Variants in SLC19A1 observed in about 807,000 individuals in gnomAD.
SLC19A1 encodes the protein solute carrier family 19 member 1.
In SLC19A1, 37 loss-of-function variants were observed where a neutral mutation model predicts 35.3. The ratio of observed to expected loss-of-function variants is 1.05; its 90% confidence interval spans 0.81 to 1.38. SLC19A1 has a LOEUF of 1.38. SLC19A1 is among the 40% of genes most tolerant of loss of function. SLC19A1 has a pLI of 0.00. For synonymous variants in SLC19A1, 460 were observed against 398.5 expected (o/e 1.15, Z -1.84); for missense variants, 831 against 826.9 (o/e 1.00, Z -0.06).
chr21:45,509,940 C>G, downstream of SLC19A1: 1 of 1,142,028 alleles, frequency 8.8e-7, no homozygotes, highest in Non-Finnish European at 1.2e-6. Flanking sequence ...CACTTGCGCG[C>G]CTCCCGCTCA....
Position 45,505,402 on chromosome 21 carries a change from C to G in SLC19A1, c.498-6790G>C, listed in dbSNP as rs1370299892. On this transcript the variant is annotated intron_variant, in intron 3 of 4. Transcript: ENST00000417954. ...TCCGGGCCCCCCTGGGCCCCCTGGG[C>G]CCCCTGGAACCATGGGCGCCTCCTC... 8 of 1,577,982 alleles carry G rather than the reference C, an allele frequency of 5.1e-6. No individual in the cohort carries two copies. Among genetic ancestry groups the G allele is most frequent in the Non-Finnish European group, 6.9e-6 (8 of 1,153,722 alleles).
At chr21:45,509,027 G>A (rs987499937), downstream of SLC19A1, among the ~76,000 whole-genome samples, 10 of 152,152 alleles carry the variant, frequency 6.6e-5, no homozygotes, top group African/African-American at 1.4e-4. Flanking sequence ...GTCGAAGGTC[G>A]CCGTGTTGAG....
At position 45,523,218 on chromosome 21, in the gene SLC19A1, A is replaced by G. The variant is rs541751153; in HGVS notation, c.1293+2599T>C. ...AGAGAGTGGACACTCGGCACCCAGTAACAGGCACGGGGGCAAGATGAGCCC... is the reference window on the plus strand; with the variant it reads ...AGAGAGTGGACACTCGGCACCCAGTGACAGGCACGGGGGCAAGATGAGCCC... On this transcript the variant is annotated intron_variant, in intron 5 of 5. Coordinates refer to ENST00000311124, the MANE Select transcript of SLC19A1 (RefSeq NM_194255.4). Among the ~76,000 whole-genome samples, 9 of 152,292 alleles carry G rather than the reference A, an allele frequency of 5.9e-5. No homozygotes were observed. The South Asian group carries it at 1.9e-3, about 32-fold the overall frequency.
Position 45,534,421 on chromosome 21 carries a change from G to A in SLC19A1, c.190-2273C>T, listed in dbSNP as rs28737388. 1.2e-3 allele frequency: 980 copies of A among 823,906 alleles called. 8 individuals carry two copies. In the African/African-American group the frequency reaches 0.015, roughly 13 times the overall value. The allele number at this position is 823,906 out of a possible 1,614,324, so 51.0% of individuals were successfully genotyped here. A position where few individuals can be genotyped will look rare whatever the true frequency, so the allele number is the denominator to read the frequency against. On this transcript the variant is annotated intron_variant, in intron 2 of 5. Coordinates refer to ENST00000311124, the MANE Select transcript of SLC19A1 (RefSeq NM_194255.4). The surrounding 1 kb of genome is among the most constrained non-coding windows in gnomAD (Gnocchi z 4.2). Reference sequence around the variant, plus strand: ...ATGACAGCCCCAGCCCCTGGCCGGGGCACAGGTTCTGCCCACAGCCCAGAG... The same window carrying A: ...ATGACAGCCCCAGCCCCTGGCCGGGACACAGGTTCTGCCCACAGCCCAGAG...
chr21:45,549,931 C>T (rs942310594), intron 1 of SLC19A1, among the ~76,000 whole-genome samples: 15 of 152,028 alleles, frequency 9.9e-5, no homozygotes, highest in Admixed American at 2.6e-4. Flanking sequence ...ACATCTTGTC[C>T]CCACAGAGAC....
chr21:45,526,727 A>G (rs2077634217), intron 4 of SLC19A1, among the ~76,000 whole-genome samples: 1 of 152,208 alleles, frequency 6.6e-6, no homozygotes, highest in East Asian at 1.9e-4. Context: ...ACGCGCCATC[A>G]TGCCCAGCTA....
At position 45,517,394 on chromosome 21, in the gene SLC19A1, C is replaced by T. The variant is rs567192050; in HGVS notation, c.1294-1254G>A. On this transcript the variant is annotated intron_variant, in intron 5 of 5. Coordinates refer to ENST00000311124, the MANE Select transcript of SLC19A1 (RefSeq NM_194255.4). This position sits in a 1 kb window ranked among gnomAD's most constrained non-coding sequence, Gnocchi z 4.4. ...CTCGCCAGCCTGTAACAAGGACCCCCGAGTCCCCTGCGGGGTGGTGTCAGA... is the reference window on the plus strand; with the variant it reads ...CTCGCCAGCCTGTAACAAGGACCCCTGAGTCCCCTGCGGGGTGGTGTCAGA... 2.0e-4 allele frequency among the ~76,000 whole-genome samples: 31 copies of T among 152,170 alleles called. No individual in the cohort carries two copies. The highest frequency in any genetic ancestry group is 6.8e-3 in the Middle Eastern group (2 of 294).
chr21:45,528,883 C>G (rs1273617624), intron 4 of SLC19A1, among the ~76,000 whole-genome samples: 2 of 152,250 alleles, frequency 1.3e-5, no homozygotes, highest in Admixed American at 1.3e-4. Flanking sequence ...TTCCCCGTAG[C>G]AAACAGCAGT....
At chr21:45,512,413 C>A (rs149459132), downstream of SLC19A1, 1,014 of 1,610,090 alleles carry the variant, frequency 6.3e-4, 6 homozygotes, top group African/African-American at 0.012. Flanking sequence ...CGCCTGGATG[C>A]GGATGGCCGG....
chr21:45,529,233 G>A (rs2077759691), intron 4 of SLC19A1, among the ~76,000 whole-genome samples: 2 of 152,220 alleles, frequency 1.3e-5, no homozygotes, highest in Non-Finnish European at 2.9e-5. Flanking sequence ...GCCTGCATGT[G>A]GGGAGGATGG....
chr21:45,510,004 G>C, downstream of SLC19A1: 1 of 1,517,236 alleles, frequency 6.6e-7, no homozygotes, highest in African/African-American at 1.4e-5. Flanking sequence ...TGGTGCGCCC[G>C]GGGCCTGGGT....
chr21:45,538,651 G>C (rs1356912900), intron 1 of SLC19A1, among the ~76,000 whole-genome samples: 1 of 152,238 alleles, frequency 6.6e-6, no homozygotes, highest in South Asian at 2.1e-4. Context: ...GTGTCCTTGA[G>C]GGGGCTGAGA....
Position 45,537,979 on chromosome 21 carries a change from G to C in SLC19A1, c.-20C>G. ...CACCATCCTGCTCAGGCCACGTGCA[G>C]CTCCGGAGGGGACGAAGGTGACGCT... is the stretch of plus-strand genomic sequence containing the variant. On this transcript the variant is annotated 5_prime_UTR_variant, in exon 2 of 6. Coordinates refer to ENST00000311124, the MANE Select transcript of SLC19A1 (RefSeq NM_194255.4). 3 of 1,502,178 alleles carry C rather than the reference G, an allele frequency of 2.0e-6. No individual in the cohort carries two copies. Among genetic ancestry groups the C allele is most frequent in the Non-Finnish European group, 2.7e-6 (3 of 1,124,046 alleles). The allele number at this position is 1,502,178 out of a possible 1,614,324, so 93.1% of individuals were successfully genotyped here.
chr21:45,522,054 A>G (rs528146300), intron 5 of SLC19A1, among the ~76,000 whole-genome samples: 3 of 151,558 alleles, frequency 2.0e-5, no homozygotes, highest in Non-Finnish European at 2.9e-5. Flanking sequence ...TACAGAGTTG[A>G]AAAAAAAATT....
At chr21:45,537,300 C>A (rs967522458) in intron 2 of SLC19A1, among the ~76,000 whole-genome samples, 2 of 152,164 alleles carry the variant, frequency 1.3e-5, no homozygotes, top group African/African-American at 4.8e-5. Context: ...GCCGGGTTCC[C>A]TCCAGGACCA....
intron 5 of SLC19A1, among the ~76,000 whole-genome samples, chr21:45,518,332 G>GA (rs1291344549): frequency 3.3e-5 from 5 of 151,828 alleles, no homozygotes; most frequent in African/African-American, 9.7e-5. Flanking sequence ...AAAATGGACT[G>GA]AAAAAAAATG....
chr21:45,517,333 CG>C lies in SLC19A1; in HGVS notation c.1294-1194del, dbSNP rs2038009624. ...CCTGCTCCCCGCAAACACCAGACCT[CG>C]GCTCCACCCACCATGTCAGCAAGGA... On this transcript the variant is annotated intron_variant, in intron 5 of 5. Transcript: ENST00000311124. This position sits in a 1 kb window ranked among gnomAD's most constrained non-coding sequence, Gnocchi z 4.4. 6.6e-6 allele frequency among the ~76,000 whole-genome samples: 1 copy of C among 152,020 alleles called. No individual in the cohort carries two copies. The highest frequency in any genetic ancestry group is 2.4e-5 in the African/African-American group (1 of 41,298).
chr21:45,525,803 T>C lies in SLC19A1; in HGVS notation c.1293+14A>G. The C allele has an allele frequency of 6.2e-7, 1 of 1,612,590 alleles. No individual in the cohort carries two copies. Among genetic ancestry groups the C allele is most frequent in the Middle Eastern group, 1.7e-4 (1 of 6,054 alleles). ...GCTTCCATCCCCGAGGACGCAGGCC[T>C]GAAATGGGCTCACCTGCTTGCGGAC... On this transcript the variant is annotated intron_variant, in intron 5 of 5. Transcript: ENST00000311124.
At position 45,515,594 on chromosome 21, in the gene SLC19A1, G is replaced by A. The variant is rs1008074898; in HGVS notation, c.*64C>T. The A allele has an allele frequency of 1.0e-5, 16 of 1,596,892 alleles. No homozygotes were observed. Among genetic ancestry groups the A allele is most frequent in the Admixed American group, 3.5e-5 (2 of 57,234 alleles). On this transcript the variant is annotated 3_prime_UTR_variant, in exon 6 of 6. Transcript: ENST00000311124. ...CCCATTGCTAAGGCAGGCGGCCCTC[G>A]AGGCAGGGGTCGTGGGGATGCACTG... is the stretch of plus-strand genomic sequence containing the variant.
Sources: gnomAD v4.1 joint callset for allele counts (sites outside exome capture counted in the v4.1 genomes callset) on GRCh38, gnomAD v4.1.1 for gene constraint, Gnocchi (gnomAD v3.1) non-coding constraint, MANE v1.5 for transcripts, NCBI Gene and HGNC (gene_info 2026-07-23, HGNC 2026-07-21) for gene names.